Variants in RBM47 observed in about 807,000 individuals in gnomAD.
RBM47 encodes RNA binding motif protein 47, also known as RNA-binding protein 47.
Under a neutral mutation model 47.1 loss-of-function variants are expected in RBM47, and 21 were observed. That is an observed-to-expected ratio of 0.45 (90% CI 0.32 to 0.64). RBM47 has a LOEUF of 0.64. Among genes scored for constraint, RBM47 ranks in the 30% least tolerant of loss-of-function variants. The pLI, the probability that RBM47 is intolerant of heterozygous loss-of-function variation, is 0.05. For synonymous variants in RBM47, 375 were observed against 361.7 expected (o/e 1.04, Z -0.42); for missense variants, 708 against 870.9 (o/e 0.81, Z 2.35).
intron 2 of RBM47, among the ~76,000 whole-genome samples, chr4:40,497,933 G>C (rs1325219231): frequency 6.6e-6 from 1 of 151,036 alleles, no homozygotes; most frequent in Non-Finnish European, 1.5e-5. Context: ...CAAGGTTTCA[G>C]GGGGCCATGA....
rs1735159260 is a variant in RBM47 at position 40,600,502 on chromosome 4, CGG to C, written c.-240+28892_-240+28893del. On this transcript the variant is annotated intron_variant, in intron 1 of 6. Transcript: ENST00000295971. ...ACAAAAAATTAGCCGGGTGTGGTGG[CGG>C]GCGCCTGTAGTCCCAGCTACTCGGG... 3.3e-5 allele frequency among the ~76,000 whole-genome samples: 5 copies of C among 150,840 alleles called. No individual in the cohort carries two copies. The Admixed American group carries it at 3.3e-4, about 10-fold the overall frequency.
chr4:40,553,305 A>T, intron 1 of RBM47, among the ~76,000 whole-genome samples: 1 of 128,840 alleles, frequency 7.8e-6, no homozygotes, highest in African/African-American at 2.9e-5. Context: ...ATTTTATTTT[A>T]TTTTATTTTT....
intron 2 of RBM47, among the ~76,000 whole-genome samples, chr4:40,536,975 C>T (rs1728052126): frequency 6.6e-6 from 1 of 152,012 alleles, no homozygotes; most frequent in Non-Finnish European, 1.5e-5. Flanking sequence ...ATGATCTGCG[C>T]CCAGCCTGCC....
rs556541665 is a variant in RBM47 at position 40,430,548 on chromosome 4, A to G, written c.1542+2103T>C. On this transcript the variant is annotated intron_variant, in intron 6 of 6. Transcript: ENST00000295971. ...CCTCTTTTTGTCTTTCAGAGATCCCAAGTTAAAGAATACTTAATGACATAC... is the reference window on the plus strand; with the variant it reads ...CCTCTTTTTGTCTTTCAGAGATCCCGAGTTAAAGAATACTTAATGACATAC... 1.3e-3 allele frequency among the ~76,000 whole-genome samples: 193 copies of G among 152,360 alleles called. 1 individual carries two copies. Among genetic ancestry groups the G allele is most frequent in the Middle Eastern group, 0.01 (3 of 294 alleles).
chr4:40,548,303 C>T (rs546254799), intron 1 of RBM47, among the ~76,000 whole-genome samples: 22 of 152,266 alleles, frequency 1.4e-4, no homozygotes, highest in African/African-American at 3.1e-4. Context: ...CTCTGGAGAA[C>T]GACAATGAGC....
chr4:40,592,014 G>A (rs540966095), intron 1 of RBM47, among the ~76,000 whole-genome samples: 36 of 152,122 alleles, frequency 2.4e-4, no homozygotes, highest in Admixed American at 4.6e-4. Context: ...CCAAAACAAT[G>A]CTTTACCCCT....
Position 40,423,713 on chromosome 4 carries a change from T to TTTTCTTTTC in RBM47, c.*2190_*2191insGAAAAGAAA, listed in dbSNP as rs1714680914. The TTTTCTTTTC allele has an allele frequency of 2.6e-5, 2 of 78,222 alleles. No homozygotes were observed. The highest frequency in any genetic ancestry group is 1.8e-4 in the African/African-American group (2 of 11,226). 4.8% of individuals were successfully genotyped at this position (78,222 alleles called of 1,614,324 possible). On this transcript the variant is annotated 3_prime_UTR_variant, in exon 7 of 7. Coordinates refer to ENST00000295971, the MANE Select transcript of RBM47 (RefSeq NM_001098634.2). ...CTTTCTTTCTTTCTTTCTTTCTTTC[T>TTTTCTTTTC]TTTCTTTCTTTTCTTTCTTCCTCTT...
At chr4:40,535,863 T>G (rs1249003391) in intron 2 of RBM47, among the ~76,000 whole-genome samples, 2 of 152,066 alleles carry the variant, frequency 1.3e-5, no homozygotes, top group African/African-American at 4.8e-5. Context: ...TGGCCTCGTA[T>G]ATATTTTTTT....
intron 2 of RBM47, among the ~76,000 whole-genome samples, chr4:40,489,955 AACCC>A (rs1254607578): frequency 6.6e-6 from 1 of 152,244 alleles, no homozygotes; most frequent in Non-Finnish European, 1.5e-5. Context: ...AGTCTGATTT[AACCC>A]AGAAATGCAA....
intron 1 of RBM47, among the ~76,000 whole-genome samples, chr4:40,559,087 A>G (rs1177035269): frequency 1.3e-5 from 2 of 152,172 alleles, no homozygotes; most frequent in Non-Finnish European, 2.9e-5. Context: ...TTTTATCCCT[A>G]TTACAAGGTA....
chr4:40,441,615 T>G (rs1292744669), intron 3 of RBM47, among the ~76,000 whole-genome samples: 1 of 152,206 alleles, frequency 6.6e-6, no homozygotes, highest in Non-Finnish European at 1.5e-5. Flanking sequence ...TATACAACAT[T>G]AACTGACTAA....
chr4:40,501,064 C>G (rs189848727), intron 2 of RBM47, among the ~76,000 whole-genome samples: 1 of 151,754 alleles, frequency 6.6e-6, no homozygotes, highest in African/African-American at 2.4e-5. Context: ...AACAAAACAG[C>G]AATATAAAAC....
chr4:40,590,793 C>A (rs1486755163), intron 1 of RBM47, among the ~76,000 whole-genome samples: 1 of 152,126 alleles, frequency 6.6e-6, no homozygotes, highest in Non-Finnish European at 1.5e-5. Flanking sequence ...ACACAAAAGT[C>A]CATATATTAC....
At chr4:40,467,878 T>C (rs540045316) in intron 2 of RBM47, among the ~76,000 whole-genome samples, 1 of 152,332 alleles carries the variant, frequency 6.6e-6, no homozygotes, top group East Asian at 1.9e-4. Flanking sequence ...AGATTCAATA[T>C]GGCACAGTGG....
rs111891157 is a variant in RBM47 at position 40,485,287 on chromosome 4, C to G, written c.-154-18588G>C. Among the ~76,000 whole-genome samples the G allele has an allele frequency of 3.5e-3, 538 of 152,268 alleles. 2 individuals are homozygous for G. The highest frequency in any genetic ancestry group is 6.1e-3 in the Non-Finnish European group (418 of 68,002). The stretch of plus-strand genomic sequence containing the variant: ...TAAGATAATTTAATTTATGAAGAAT[C>G]AATATGAAATAAAGACTTAAAGCTC... On this transcript the variant is annotated intron_variant, in intron 2 of 6. Coordinates refer to ENST00000295971, the MANE Select transcript of RBM47 (RefSeq NM_001098634.2).
In RBM47 at chr4:40,608,815, T is replaced by C. The variant is rs115764587; in HGVS notation, c.-240+20581A>G. Among the ~76,000 whole-genome samples the C allele has an allele frequency of 1.7e-3, 256 of 152,330 alleles. 1 individual carries two copies. Among genetic ancestry groups the C allele is most frequent in the African/African-American group, 5.8e-3 (243 of 41,580 alleles). On this transcript the variant is annotated intron_variant, in intron 1 of 6. Transcript: ENST00000295971. ...GTGAGCACATGTTGTGAAGTAAATG[T>C]AAATAGCAGAAATCCCACAAACATG...
At chr4:40,573,833 A>AAGAAAGAAAGAAAGAAAGAAAGAAAGAG (rs374086491) in intron 1 of RBM47, among the ~76,000 whole-genome samples, 1 of 136,538 alleles carries the variant, frequency 7.3e-6, no homozygotes, top group African/African-American at 3.0e-5. Flanking sequence ...GAAAGAAAGA[A>AAGAAAGAAAGAAAGAAAGAAAGAAAGAG]AGAGAAAGAA....
chr4:40,609,143 C>G (rs1021739095), intron 1 of RBM47, among the ~76,000 whole-genome samples: 1 of 151,978 alleles, frequency 6.6e-6, no homozygotes, highest in Admixed American at 6.6e-5. Context: ...TAGGTGCCCA[C>G]CACCACGTCC....
At chr4:40,573,877 T>C (rs1467355450) in intron 1 of RBM47, among the ~76,000 whole-genome samples, 1 of 135,996 alleles carries the variant, frequency 7.4e-6, no homozygotes, top group Non-Finnish European at 1.5e-5. Context: ...TTGAGGGTAA[T>C]GAAAAATTGG....
Sources: allele counts gnomAD v4.1 joint callset (sites outside exome capture counted in the v4.1 genomes callset), GRCh38; gene constraint gnomAD v4.1.1; transcripts MANE v1.5; gene names NCBI Gene and HGNC (gene_info 2026-07-23, HGNC 2026-07-21).